Variants in CDNF observed in about 807,000 individuals in gnomAD.
CDNF encodes the protein cerebral dopamine neurotrophic factor.
CDNF carries 9 observed loss-of-function variants against 14.8 expected under a neutral mutation model. The observed-to-expected ratio is 0.61, with a 90% CI of 0.37 to 1.06. CDNF has a LOEUF of 1.06. Ranked by LOEUF, CDNF falls within the 50% of genes least tolerant of loss-of-function variation. CDNF has a pLI of 0.01. For synonymous variants in CDNF, 86 were observed against 87.2 expected (o/e 0.99, Z 0.07); for missense variants, 228 against 228.4 (o/e 1.00, Z 0.01).
intron 3 of CDNF, among the ~76,000 whole-genome samples, chr10:14,821,286 G>A (rs1056890986): frequency 2.0e-5 from 3 of 151,984 alleles, no homozygotes; most frequent in South Asian, 2.1e-4. Flanking sequence ...CATCATGCCC[G>A]GCTAATTTTT....
chr10:14,837,372 A>T (rs1369067966), intron 1 of CDNF, among the ~76,000 whole-genome samples: 1 of 152,210 alleles, frequency 6.6e-6, no homozygotes, highest in Non-Finnish European at 1.5e-5. Flanking sequence ...TCACCTACAG[A>T]GTCCTAACAA....
chr10:14,835,874 C>T (rs936197437), intron 1 of CDNF, among the ~76,000 whole-genome samples: 3 of 152,132 alleles, frequency 2.0e-5, no homozygotes, highest in Admixed American at 6.5e-5. Context: ...TACTCAAAAC[C>T]CAAGTCCTTT....
At chr10:14,828,737 G>A (rs977336505) in intron 1 of CDNF, among the ~76,000 whole-genome samples, 2 of 152,074 alleles carry the variant, frequency 1.3e-5, no homozygotes, top group Non-Finnish European at 2.9e-5. Context: ...CAGGCATGGT[G>A]GCTCACACCT....
intron 3 of CDNF, among the ~76,000 whole-genome samples, chr10:14,824,697 C>G (rs1037125130): frequency 3.3e-5 from 5 of 151,816 alleles, no homozygotes; most frequent in Admixed American, 6.6e-5. Flanking sequence ...CAGGAAAAAC[C>G]TGACTTGATG....
At chr10:14,836,206 T>C (rs766754727) in intron 1 of CDNF, 1 of 152,190 alleles carries the variant, frequency 6.6e-6, no homozygotes, top group Non-Finnish European at 1.5e-5. Flanking sequence ...GGATCACTCA[T>C]AAGCAGTAAT....
At chr10:14,826,987 G>A (rs550376634) in intron 2 of CDNF, among the ~76,000 whole-genome samples, 3 of 150,832 alleles carry the variant, frequency 2.0e-5, no homozygotes, top group East Asian at 1.9e-4. Flanking sequence ...AGGCCAAGGC[G>A]GGTGAATCAC....
rs148455509 is a variant in CDNF, at chr10:14,832,973, C to T, written c.116-4701G>A. Among the ~76,000 whole-genome samples, 470 of 148,386 alleles carry T rather than the reference C, an allele frequency of 3.2e-3. 1 individual carries two copies. Among genetic ancestry groups the T allele is most frequent in the Non-Finnish European group, 5.4e-3 (368 of 67,706 alleles). Reference sequence around the variant, plus strand: ...CTCCTGGATTGAAGTGATTCTTGTGCCTCAGCCTCCTGAGTAGCTGGGATT... The same window carrying T: ...CTCCTGGATTGAAGTGATTCTTGTGTCTCAGCCTCCTGAGTAGCTGGGATT... On this transcript the variant is annotated intron_variant, in intron 1 of 3. Transcript: ENST00000465530.
chr10:14,836,735 C>T (rs1279990599), intron 1 of CDNF, among the ~76,000 whole-genome samples: 1 of 152,166 alleles, frequency 6.6e-6, no homozygotes, highest in Non-Finnish European at 1.5e-5. Flanking sequence ...AGTTCAAGAC[C>T]AGTCTGGCCA....
At chr10:14,827,483 A>G (rs1243358850) in intron 2 of CDNF, among the ~76,000 whole-genome samples, 2 of 152,252 alleles carry the variant, frequency 1.3e-5, no homozygotes, top group Non-Finnish European at 2.9e-5. Context: ...TATAAATAAT[A>G]ATGTAAAATA....
In CDNF at chr10:14,838,017, G is replaced by A; in HGVS notation, c.-71C>T. 8.4e-7 allele frequency: 1 copy of A among 1,188,000 alleles called. No individual in the cohort carries two copies. The highest frequency in any genetic ancestry group is 1.2e-6 in the Non-Finnish European group (1 of 829,162). 73.6% of individuals were successfully genotyped at this position (1,188,000 alleles called of 1,614,324 possible). ...CCACCAAGCTGCCAAAGCGAGCTGA[G>A]CAGAATTCGAGGTTGGAAAGAATCT... On this transcript the variant is annotated 5_prime_UTR_variant, in exon 1 of 4. Transcript: ENST00000465530.
chr10:14,828,274 TGGAA>T lies in CDNF; in HGVS notation c.116-6_116-3del. ...ATCGGTTCAAGAATTCTTTACATAC[TGGAA>T]GGAACAAATAAATATGTCTGCATGC... On this transcript the variant is annotated splice_region_variant and splice_polypyrimidine_tract_variant and intron_variant, in intron 1 of 3. Transcript: ENST00000465530. 1 of 1,613,550 alleles carries T rather than the reference TGGAA, an allele frequency of 6.2e-7. No homozygotes were observed. The highest frequency in any genetic ancestry group is 8.5e-7 in the Non-Finnish European group (1 of 1,179,704).
intron 1 of CDNF, among the ~76,000 whole-genome samples, chr10:14,828,624 C>T (rs144674163): frequency 0.06 from 9,081 of 151,506 alleles, 345 homozygotes; most frequent in East Asian, 0.13. Flanking sequence ...TCCAGCCTGG[C>T]GACAGAGCAA....
intron 2 of CDNF, among the ~76,000 whole-genome samples, chr10:14,826,503 A>G (rs201874135): frequency 3.0e-4 from 39 of 129,088 alleles, no homozygotes; most frequent in African/African-American, 9.3e-4. Flanking sequence ...AGAAGAAGAA[A>G]AAGAAGCAGC....
At chr10:14,822,141 G>C (rs1483318487) in intron 3 of CDNF, among the ~76,000 whole-genome samples, 2 of 152,182 alleles carry the variant, frequency 1.3e-5, no homozygotes, top group African/African-American at 4.8e-5. Context: ...ACAGCCCTTT[G>C]TGTTATTCCC....
At chr10:14,826,078 A>C (rs1393415710) in intron 2 of CDNF, among the ~76,000 whole-genome samples, 4 of 143,830 alleles carry the variant, frequency 2.8e-5, no homozygotes, top group African/African-American at 1.1e-4. Flanking sequence ...AAGAAGAAGA[A>C]GAAGAAGAAG....
chr10:14,830,291 C>T (rs1425266555), intron 1 of CDNF, among the ~76,000 whole-genome samples: 2 of 151,926 alleles, frequency 1.3e-5, no homozygotes, highest in Non-Finnish European at 2.9e-5. Context: ...CCTTATAGTC[C>T]CCTATGGGTA....
At position 14,819,708 on chromosome 10, in the gene CDNF, C is replaced by T. The variant is rs1385093947; in HGVS notation, c.*272G>A. On this transcript the variant is annotated 3_prime_UTR_variant, in exon 4 of 4. Coordinates refer to ENST00000465530, the MANE Select transcript of CDNF (RefSeq NM_001029954.3). ...ACTCCATCAATTTGTCAGTAGGTCA[C>T]TTTTAGGAGACAGGCAATGAAAACT... 1.7e-5 allele frequency: 5 copies of T among 302,226 alleles called. No homozygotes were observed. The highest frequency in any genetic ancestry group is 1.8e-3 in the Middle Eastern group (2 of 1,088). The allele number at this position is 302,226 out of a possible 1,614,324, so 18.7% of individuals were successfully genotyped here.
At chr10:14,831,061 T>C (rs1026988388) in intron 1 of CDNF, among the ~76,000 whole-genome samples, 12 of 152,166 alleles carry the variant, frequency 7.9e-5, no homozygotes, top group Non-Finnish European at 7.3e-5. Flanking sequence ...TCAGTAAAAA[T>C]GTTCAAGTGA....
At chr10:14,830,164 T>C (rs564999619) in intron 1 of CDNF, among the ~76,000 whole-genome samples, 1 of 152,328 alleles carries the variant, frequency 6.6e-6, no homozygotes, top group South Asian at 2.1e-4. Flanking sequence ...CTTGAAGTTT[T>C]TGGGCCCCGA....
Sources: gnomAD v4.1 joint callset for allele counts (sites outside exome capture counted in the v4.1 genomes callset) on GRCh38, gnomAD v4.1.1 for gene constraint, MANE v1.5 for transcripts, NCBI Gene and HGNC (gene_info 2026-07-23, HGNC 2026-07-21) for gene names.